MAGI2: variants seen among roughly 807,000 people sequenced by gnomAD.
The protein encoded by MAGI2 is membrane-associated guanylate kinase, WW and PDZ domain-containing protein 2.
A neutral mutation model predicts 133.3 loss-of-function variants in MAGI2; 35 were observed. The observed-to-expected ratio is 0.26, with a 90% CI of 0.20 to 0.35. The LOEUF (loss-of-function observed/expected upper bound fraction) is 0.35, where lower values mean the gene tolerates loss of function less well. MAGI2 is among the 10% of genes least tolerant of loss of function. The pLI is 1.00. For synonymous variants in MAGI2, 729 were observed against 710.6 expected, an observed-to-expected ratio of 1.03 and a Z score of -0.41; for missense variants, 1,636 against 1,863.4, an observed-to-expected ratio of 0.88 and a Z score of 2.25.
At chr7:79,063,094 G>A (rs1183563888) in intron 1 of MAGI2, among the ~76,000 whole-genome samples, 1 of 151,974 alleles carries the variant, frequency 6.6e-6, no homozygotes, top group Non-Finnish European at 1.5e-5. Flanking sequence ...ATGGCAATAG[G>A]GTGTACTGAG....
Position 79,420,909 on chromosome 7 carries a change from T to A in MAGI2, c.301+32111A>T, listed in dbSNP as rs115966081. On this transcript the variant is annotated intron_variant, in intron 1 of 21. Transcript: ENST00000354212. Reference sequence around the variant, plus strand: ...GTGAATCTGTGAAAACTCAATGCCATGACTTCAAGTTATGAGAAAGCTTCT... The same window carrying A: ...GTGAATCTGTGAAAACTCAATGCCAAGACTTCAAGTTATGAGAAAGCTTCT... Among the ~76,000 whole-genome samples the A allele has an allele frequency of 5.3e-3, 802 of 152,128 alleles. 6 individuals carry two copies. Among genetic ancestry groups the A allele is most frequent in the African/African-American group, 0.019 (774 of 41,564 alleles).
chr7:78,806,043 T>A (rs1788551181), intron 2 of MAGI2, among the ~76,000 whole-genome samples: 2 of 152,206 alleles, frequency 1.3e-5, no homozygotes, highest in Non-Finnish European at 2.9e-5. Flanking sequence ...TTGTGTTATA[T>A]AACAATCACG....
chr7:78,959,136 C>G (rs1802644195), intron 2 of MAGI2, among the ~76,000 whole-genome samples: 1 of 152,012 alleles, frequency 6.6e-6, no homozygotes, highest in African/African-American at 2.4e-5. Context: ...GATGGAATTG[C>G]TTTTACATCA....
chr7:78,913,416 C>T (rs1014202970), intron 2 of MAGI2, among the ~76,000 whole-genome samples: 2 of 152,138 alleles, frequency 1.3e-5, no homozygotes, highest in East Asian at 3.9e-4. Context: ...TTGCCTTCTG[C>T]CGTGATTGTA....
At chr7:78,565,036 G>A (rs1033280856) in intron 3 of MAGI2, among the ~76,000 whole-genome samples, 1 of 151,806 alleles carries the variant, frequency 6.6e-6, no homozygotes, top group East Asian at 1.9e-4. Flanking sequence ...CTTGTGATCC[G>A]TCTGCCTCAG....
intron 1 of MAGI2, among the ~76,000 whole-genome samples, chr7:79,048,929 A>C (rs1303201173): frequency 6.6e-6 from 1 of 152,220 alleles, no homozygotes; most frequent in African/African-American, 2.4e-5. Context: ...CAGAGGTTGC[A>C]GTGAAATGTA....
rs182815982 is a variant in MAGI2, at chr7:78,549,998, C to T, written c.539-28353G>A. ...GATTGGGTTTTCAGGGTGAAGCCCA[C>T]GTAAGTAAGATTAGTGCCTTTACAA... On this transcript the variant is annotated intron_variant, in intron 3 of 21. Transcript: ENST00000354212. 4.6e-5 allele frequency among the ~76,000 whole-genome samples: 7 copies of T among 152,090 alleles called. No individual in the cohort carries two copies. The East Asian group carries it at 9.6e-4, about 21-fold the overall frequency.
At chr7:78,804,079 C>G (rs138838746) in intron 2 of MAGI2, among the ~76,000 whole-genome samples, 86 of 152,272 alleles carry the variant, frequency 5.6e-4, no homozygotes, top group Non-Finnish European at 1.0e-3. Flanking sequence ...AGAACCCTTT[C>G]TAATAATAAC....
intron 2 of MAGI2, among the ~76,000 whole-genome samples, chr7:78,875,799 C>G (rs192944701): frequency 6.6e-6 from 1 of 152,166 alleles, no homozygotes; most frequent in African/African-American, 2.4e-5. Context: ...ACTTCAGCAG[C>G]TGGTCTAAAT....
chr7:78,569,636 TA>T, intron 3 of MAGI2, among the ~76,000 whole-genome samples: 1 of 152,282 alleles, frequency 6.6e-6, no homozygotes, highest in East Asian at 1.9e-4. Context: ...TTAAAAAAAA[TA>T]AAATTTAAAA....
intron 2 of MAGI2, among the ~76,000 whole-genome samples, chr7:78,660,359 C>G (rs1246883130): frequency 1.3e-5 from 2 of 152,026 alleles, no homozygotes; most frequent in Admixed American, 1.3e-4. Context: ...TTTCTTAAGA[C>G]AACATTATCT....
At chr7:78,532,663 G>T (rs1324621097) in intron 3 of MAGI2, among the ~76,000 whole-genome samples, 1 of 152,140 alleles carries the variant, frequency 6.6e-6, no homozygotes, top group East Asian at 1.9e-4. Flanking sequence ...CAAACATAAA[G>T]CCTACGTGTT....
chr7:78,679,210 TGAGA>T (rs372131332), intron 2 of MAGI2, among the ~76,000 whole-genome samples: 32 of 152,262 alleles, frequency 2.1e-4, no homozygotes, highest in Non-Finnish European at 2.6e-4. Context: ...TTCCCTTCTC[TGAGA>T]GAGTGAGGCA....
At chr7:78,257,279 G>A (rs1310608607) in intron 9 of MAGI2, among the ~76,000 whole-genome samples, 1 of 152,128 alleles carries the variant, frequency 6.6e-6, no homozygotes, top group Non-Finnish European at 1.5e-5. Context: ...CATAATGTAG[G>A]AAAAGTACTT....
intron 2 of MAGI2, among the ~76,000 whole-genome samples, chr7:78,646,650 A>T (rs984262482): frequency 6.6e-6 from 1 of 152,240 alleles, no homozygotes; most frequent in African/African-American, 2.4e-5. Flanking sequence ...TTATAAAGCT[A>T]TAGGACAATA....
At chr7:78,611,739 G>T (rs1806468634) in intron 3 of MAGI2, among the ~76,000 whole-genome samples, 1 of 152,152 alleles carries the variant, frequency 6.6e-6, no homozygotes, top group Admixed American at 6.5e-5. Context: ...CCTCTGAACA[G>T]TGCAGTAGTA....
chr7:78,475,184 A>T (rs1036225900), intron 6 of MAGI2, among the ~76,000 whole-genome samples: 1 of 152,010 alleles, frequency 6.6e-6, no homozygotes, highest in Non-Finnish European at 1.5e-5. Flanking sequence ...GGAACAACAC[A>T]GTTTTAGTAA....
At chr7:79,396,697 C>G (rs535915154) in intron 1 of MAGI2, among the ~76,000 whole-genome samples, 179 of 152,216 alleles carry the variant, frequency 1.2e-3, no homozygotes, top group Non-Finnish European at 1.9e-3. Context: ...GAAAACTAAA[C>G]TCTCTGACAC....
intron 2 of MAGI2, among the ~76,000 whole-genome samples, chr7:78,718,462 C>T (rs948297766): frequency 6.6e-6 from 1 of 152,060 alleles, no homozygotes; most frequent in Non-Finnish European, 1.5e-5. Flanking sequence ...CTTGGATTAC[C>T]GCCTGAACTC....
Sources: allele counts gnomAD v4.1 joint callset (sites outside exome capture counted in the v4.1 genomes callset), GRCh38; gene constraint gnomAD v4.1.1; transcripts MANE v1.5; gene names NCBI Gene and HGNC (gene_info 2026-07-23, HGNC 2026-07-21).